The following RIMS1 variants were observed in gnomAD, a reference collection of about 807,000 sequenced individuals.
RIMS1 encodes regulating synaptic membrane exocytosis protein 1.
A neutral mutation model predicts 214.1 loss-of-function variants in RIMS1; 83 were observed. The observed-to-expected ratio is 0.39, with a 90% CI of 0.32 to 0.47. The LOEUF is 0.47. Among genes scored for constraint, RIMS1 ranks in the 20% least tolerant of loss-of-function variants. The pLI is 0.99. For missense variants in RIMS1, 2,050 were observed against 2,161.8 expected (o/e 0.95, Z 1.03); for synonymous variants, 793 against 786.8 (o/e 1.01, Z -0.13).
chr6:72,265,834 A>T, intron 21 of RIMS1, 126 bp from the exon 22 acceptor site: 1 of 668,428 alleles, frequency 1.5e-6, no homozygotes, highest in South Asian at 2.0e-5. Context: ...TATGAACTGA[A>T]TCCCAGTGAT....
At chr6:71,916,206 A>C (rs1465044209) in intron 1 of RIMS1, among the ~76,000 whole-genome samples, 1 of 152,144 alleles carries the variant, frequency 6.6e-6, no homozygotes, top group East Asian at 1.9e-4. Context: ...TCCAATGTGA[A>C]GAGTTTAAGA....
chr6:71,955,968 A>G (rs1383445559), intron 1 of RIMS1, among the ~76,000 whole-genome samples: 2 of 152,106 alleles, frequency 1.3e-5, no homozygotes, highest in African/African-American at 4.8e-5. Context: ...CTAATTTACT[A>G]CTTAATGTTA....
chr6:71,933,754 A>C (rs1457979602), intron 1 of RIMS1, among the ~76,000 whole-genome samples: 4 of 151,864 alleles, frequency 2.6e-5, no homozygotes, highest in Admixed American at 2.6e-4. Flanking sequence ...TTAGCTTCAA[A>C]AGAGTTTCAT....
intron 29 of RIMS1, among the ~76,000 whole-genome samples, chr6:72,356,524 C>T (rs575102321): frequency 3.4e-4 from 51 of 151,996 alleles, no homozygotes; most frequent in African/African-American, 7.0e-4. Flanking sequence ...TTTGGGAGTC[C>T]GAGGCAGGTG....
rs1389551938 is a variant in RIMS1, at chr6:72,298,121, G to A, written c.3850+6075G>A. On this transcript the variant is annotated intron_variant, in intron 26 of 33. Transcript: ENST00000521978. ...GACTTTCAGTGCTGAAACTGGGACA[G>A]TTCTAAGCAAACGAGGATGGTTGGT... Among the ~76,000 whole-genome samples the A allele has an allele frequency of 2.0e-5, 3 of 152,106 alleles. No homozygotes were observed. In the South Asian group the frequency reaches 6.2e-4, roughly 31 times the overall value.
At chr6:71,986,077 TA>T (rs1266757727) in intron 2 of RIMS1, among the ~76,000 whole-genome samples, 2 of 152,110 alleles carry the variant, frequency 1.3e-5, no homozygotes, top group African/African-American at 4.8e-5. Flanking sequence ...ATTTTTTTCA[TA>T]AAAGTATGTC....
chr6:71,914,596 T>C (rs1283790741), intron 1 of RIMS1, among the ~76,000 whole-genome samples: 1 of 152,146 alleles, frequency 6.6e-6, no homozygotes, highest in East Asian at 1.9e-4. Context: ...TTTAGAGTAA[T>C]TCAGATATGT....
At chr6:72,086,412 T>C (rs1834668261) in intron 2 of RIMS1, among the ~76,000 whole-genome samples, 1 of 152,138 alleles carries the variant, frequency 6.6e-6, no homozygotes, top group Admixed American at 6.6e-5. Context: ...AGTTCAAGGC[T>C]GAAGGAAAAA....
chr6:71,888,494 C>T (rs1056198391), intron 1 of RIMS1, among the ~76,000 whole-genome samples: 6 of 152,146 alleles, frequency 3.9e-5, no homozygotes, highest in Non-Finnish European at 7.4e-5. Context: ...TCCCCCACCC[C>T]CTAGAAGTGC....
rs992352228 is a variant in RIMS1 at position 72,138,147 on chromosome 6, T to C, written c.471+38161T>C. Reference sequence around the variant, plus strand: ...TAGGTAGACTTTCCTCCTTTTAACTTGTAGGGATATCTATGATACATTTTT... The same window carrying C: ...TAGGTAGACTTTCCTCCTTTTAACTCGTAGGGATATCTATGATACATTTTT... On this transcript the variant is annotated intron_variant, in intron 4 of 33. Transcript: ENST00000521978. Among the ~76,000 whole-genome samples, 5 of 152,188 alleles carry C rather than the reference T, an allele frequency of 3.3e-5. No individual in the cohort carries two copies. In the East Asian group the frequency reaches 7.7e-4, roughly 23 times the overall value.
intron 2 of RIMS1, among the ~76,000 whole-genome samples, chr6:72,068,798 C>T (rs560521133): frequency 6.6e-6 from 1 of 152,062 alleles, no homozygotes; most frequent in Non-Finnish European, 1.5e-5. Flanking sequence ...GTAGTCCCAG[C>T]TACTCGGGAG....
intron 2 of RIMS1, among the ~76,000 whole-genome samples, chr6:72,071,482 T>C (rs1013291496): frequency 3.3e-5 from 5 of 152,166 alleles, no homozygotes; most frequent in African/African-American, 1.2e-4. Context: ...TATTTTGTCC[T>C]TATGGAGTTA....
intron 4 of RIMS1, among the ~76,000 whole-genome samples, chr6:72,121,700 T>C (rs1296240996): frequency 1.3e-5 from 2 of 151,878 alleles, no homozygotes; most frequent in African/African-American, 2.4e-5. Flanking sequence ...TTGAATAGGA[T>C]TGGTGAGAGA....
At chr6:72,011,477 A>G (rs1239600094) in intron 2 of RIMS1, among the ~76,000 whole-genome samples, 1 of 152,232 alleles carries the variant, frequency 6.6e-6, no homozygotes, top group South Asian at 2.1e-4. Flanking sequence ...AAATTGACAA[A>G]TGGGATCTAA....
At position 72,398,291 on chromosome 6, in the gene RIMS1, A is replaced by G. The variant is rs775972699; in HGVS notation, c.4661A>G (p.Glu1554Gly). The part of the protein sequence containing the change: ...IGMEDKKGQL[E>G]VEVIRARSLT... ...ATGGAGGACAAAAAGGGCCAATTAGAAGTGGAAGTCATTAGAGCACGAAGC... is the reference window on the plus strand; with the variant it reads ...ATGGAGGACAAAAAGGGCCAATTAGGAGTGGAAGTCATTAGAGCACGAAGC... The change falls in exon 32 of 34, where the codon GAA (glutamate) becomes GGA (glycine). Residue 1554 changes from glutamate (E) to glycine (G), a missense_variant. Physicochemically the swap from Glu to Gly is moderately conservative, Grantham distance 98. Coordinates refer to ENST00000521978, the MANE Select transcript of RIMS1 (RefSeq NM_014989.7). 6.2e-7 allele frequency: 1 copy of G among 1,609,612 alleles called. No individual in the cohort carries two copies. The highest frequency in any genetic ancestry group is 8.5e-7 in the Non-Finnish European group (1 of 1,178,006).
chr6:72,173,948 G>T (rs1243430928), intron 4 of RIMS1, among the ~76,000 whole-genome samples: 2 of 151,044 alleles, frequency 1.3e-5, no homozygotes, highest in East Asian at 3.9e-4. Flanking sequence ...TTTCAGATTT[G>T]TGGGAAAGTG....
chr6:72,120,645 T>C (rs1409535112), intron 4 of RIMS1, among the ~76,000 whole-genome samples: 3 of 151,916 alleles, frequency 2.0e-5, no homozygotes, highest in African/African-American at 7.2e-5. Flanking sequence ...GTGCAGAAGC[T>C]CTTTAGTTTA....
intron 2 of RIMS1, among the ~76,000 whole-genome samples, chr6:71,997,076 C>CA (rs1302319542): frequency 6.6e-6 from 1 of 152,052 alleles, no homozygotes; most frequent in Non-Finnish European, 1.5e-5. Context: ...TTGTCTGAAA[C>CA]ATTTCTTAAT....
chr6:72,205,542 G>A (rs2153999954), intron 6 of RIMS1, among the ~76,000 whole-genome samples: 1 of 152,242 alleles, frequency 6.6e-6, no homozygotes, highest in East Asian at 1.9e-4. Context: ...AACTAGAATA[G>A]TGATTAGAGT....
Sources: allele counts gnomAD v4.1 joint callset (sites outside exome capture counted in the v4.1 genomes callset), GRCh38; gene constraint gnomAD v4.1.1; transcripts MANE v1.5; gene names NCBI Gene and HGNC (gene_info 2026-07-23, HGNC 2026-07-21).